The following SH3BP1 variants were observed in gnomAD, a reference collection of about 807,000 sequenced individuals.
The protein encoded by SH3BP1 is SH3 domain-binding protein 1.
In SH3BP1, 46 loss-of-function variants were observed where a neutral mutation model predicts 69.8. That is an observed-to-expected ratio of 0.66 (90% CI 0.52 to 0.84). The LOEUF is 0.84. SH3BP1 is among the 40% of genes least tolerant of loss of function. The pLI is 0.00. For synonymous variants in SH3BP1, 403 were observed against 378.0 expected (o/e 1.07, Z -0.77); for missense variants, 868 against 930.9 (o/e 0.93, Z 0.88).
At chr22:37,644,824 C>T (rs1932753644) in intron 8 of SH3BP1, 46 bp from the exon 9 acceptor site, 2 of 1,608,802 alleles carry the variant, frequency 1.2e-6, no homozygotes, top group South Asian at 1.1e-5. Flanking sequence ...CTATAGAAGG[C>T]TCAGCTTCCC....
intron 1 of SH3BP1, 94 bp downstream of exon 1, chr22:37,639,940 G>A: frequency 1.1e-6 from 1 of 899,008 alleles, no homozygotes; most frequent in Non-Finnish European, 1.6e-6. Context: ...GGAGGCTGGG[G>A]ACAGCTGGGC....
intron 6 of SH3BP1, 150 bp from the exon 7 acceptor site, chr22:37,643,494 G>C: frequency 8.8e-7 from 1 of 1,142,406 alleles, no homozygotes; most frequent in Non-Finnish European, 1.2e-6. Context: ...AGCACTCATG[G>C]CCCAGCCTGG....
intron 1 of SH3BP1, 25 bp from the exon 2 acceptor site, chr22:37,641,101 C>T: frequency 6.0e-6 from 6 of 1,004,282 alleles, no homozygotes; most frequent in South Asian, 1.8e-5. Flanking sequence ...AGCACTCTCC[C>T]CCCCCCCCCC....
intron 8 of SH3BP1, 61 bp downstream of exon 8, chr22:37,644,766 G>A (rs567381410): frequency 4.4e-6 from 7 of 1,605,426 alleles, no homozygotes; most frequent in South Asian, 2.2e-5. Flanking sequence ...AGAGCCAGGG[G>A]CCACTGGGGC....
intron 13 of SH3BP1, among the ~76,000 whole-genome samples, chr22:37,647,827 C>T (rs1234716325): frequency 1.3e-5 from 2 of 152,112 alleles, no homozygotes; most frequent in Admixed American, 6.5e-5. Context: ...AGGCGCCTGC[C>T]ATCACACTCG....
At chr22:37,647,192 CG>C in intron 11 of SH3BP1, 74 bp from the exon 12 acceptor site, 1 of 1,312,660 alleles carries the variant, frequency 7.6e-7, no homozygotes, top group South Asian at 1.2e-5. Flanking sequence ...GAACAAGGGC[CG>C]GAGGTTCCTT....
At position 37,647,486 on chromosome 22, in the gene SH3BP1, C is replaced by T; in HGVS notation, c.1164C>T (p.Cys388=). The T allele has an allele frequency of 6.2e-7, 1 of 1,607,670 alleles. No homozygotes were observed. The highest frequency in any genetic ancestry group is 1.1e-5 in the South Asian group (1 of 90,956). ...GARLQALQEV[C]SRLPPENLSN... is the part of the protein sequence containing the mutation. ...GGCTGCAGGCCCTCCAAGAGGTGTG[C>T]AGCCGCCTACCCCCCGAGAACCTCA... is the stretch of plus-strand genomic sequence containing the variant. Residue 388 remains cysteine (C), a synonymous_variant, in exon 13 of 18, where the codon TGC becomes TGT. Coordinates refer to ENST00000649765, the MANE Select transcript of SH3BP1 (RefSeq NM_018957.6).
intron 7 of SH3BP1, 78 bp from the exon 8 acceptor site, chr22:37,644,559 C>A: frequency 7.0e-7 from 1 of 1,432,442 alleles, no homozygotes; most frequent in Non-Finnish European, 9.8e-7. Context: ...GGGAGGTCAC[C>A]AACCCTTCCA....
chr22:37,650,752 C>A, intron 16 of SH3BP1, 27 bp downstream of exon 16: 1 of 1,560,616 alleles, frequency 6.4e-7, no homozygotes, highest in South Asian at 1.2e-5. Context: ...TTGAATGGCT[C>A]CTGTGGTACT....
At chr22:37,650,846 A>G in intron 16 of SH3BP1, 121 bp downstream of exon 16, 1 of 1,306,444 alleles carries the variant, frequency 7.7e-7, no homozygotes. Context: ...TTTTCATCCC[A>G]AAGACCGGAT....
intron 16 of SH3BP1, 97 bp downstream of exon 16, chr22:37,650,822 T>C (rs1932865790): frequency 7.0e-7 from 1 of 1,438,764 alleles, no homozygotes; most frequent in South Asian, 1.4e-5. Context: ...TTTTTGGAAA[T>C]GTAATTATTA....
chr22:37,652,851 A>C (rs897037445), intron 16 of SH3BP1, among the ~76,000 whole-genome samples: 3 of 147,750 alleles, frequency 2.0e-5, no homozygotes, highest in Admixed American at 6.8e-5. Flanking sequence ...AAGAAAAAGA[A>C]ATGGCCGGGT....
chr22:37,642,332 G>C (rs927054447), intron 3 of SH3BP1: 4 of 572,884 alleles, frequency 7.0e-6, no homozygotes, highest in Non-Finnish European at 1.3e-5. Flanking sequence ...TCTGGGAAGA[G>C]GAAAGGGCAC....
chr22:37,650,535 T>A lies in SH3BP1; in HGVS notation c.1415-7T>A. 6.2e-7 allele frequency: 1 copy of A among 1,605,446 alleles called. No homozygotes were observed. The highest frequency in any genetic ancestry group is 8.5e-7 in the Non-Finnish European group (1 of 1,174,440). ...CTGAGAGCCGTCTCCGCTCCTTCTGTCTCCAGACATCAACTTCAACGTGTC... is the reference window on the plus strand; with the variant it reads ...CTGAGAGCCGTCTCCGCTCCTTCTGACTCCAGACATCAACTTCAACGTGTC... On this transcript the variant is annotated splice_region_variant and splice_polypyrimidine_tract_variant and intron_variant, in intron 15 of 17. Coordinates refer to ENST00000649765, the MANE Select transcript of SH3BP1 (RefSeq NM_018957.6).
chr22:37,646,854 A>T lies in SH3BP1; in HGVS notation c.961A>T (p.Lys321Ter). 1 of 1,562,016 alleles carries T rather than the reference A, an allele frequency of 6.4e-7. No individual in the cohort carries two copies. Reference protein sequence around the residue: ...FRLAAGASVLKRLKQTMASDP... With the variant: ...FRLAAGASVL ...TCTGGCTGCTGGGGCCTCGGTGCTG[A>T]AGCGTCTCAAGCAGACAATGGCCTC... The change falls in exon 11 of 18, where the codon AAG becomes TAG. Residue 321 changes from lysine to a stop codon, truncating the protein, a stop_gained. Transcript: ENST00000649765. LOFTEE classifies it high-confidence loss of function.
intron 16 of SH3BP1, among the ~76,000 whole-genome samples, chr22:37,651,066 C>G: frequency 6.6e-6 from 1 of 152,070 alleles, no homozygotes; most frequent in East Asian, 1.9e-4. Context: ...CAGAGTCTCA[C>G]TCTGTCGCCC....
rs916640510 is a variant in SH3BP1, at chr22:37,655,768, G to A, written c.*84G>A. 2 of 1,444,602 alleles carry A rather than the reference G, an allele frequency of 1.4e-6. No homozygotes were observed. The highest frequency in any genetic ancestry group is 2.9e-5 in the African/African-American group (2 of 69,752). The allele number at this position is 1,444,602 out of a possible 1,614,324, so 89.5% of individuals were successfully genotyped here. On this transcript the variant is annotated 3_prime_UTR_variant, in exon 18 of 18. Coordinates refer to ENST00000649765, the MANE Select transcript of SH3BP1 (RefSeq NM_018957.6). ...CAGGACAGCTCTCGCCCCCCACAAAGGGGCATGGGCCTCCAGCCTTTGCCC... is the reference window on the plus strand; with the variant it reads ...CAGGACAGCTCTCGCCCCCCACAAAAGGGCATGGGCCTCCAGCCTTTGCCC...
intron 1 of SH3BP1, 166 bp from the exon 2 acceptor site, chr22:37,640,960 G>A (rs142352121): frequency 1.1e-5 from 7 of 631,236 alleles, no homozygotes; most frequent in East Asian, 5.5e-5. Flanking sequence ...AATGTGCTCC[G>A]ACTGGGATGA....
At chr22:37,645,217 A>T in intron 9 of SH3BP1, 148 bp from the exon 10 acceptor site, 3 of 1,139,756 alleles carry the variant, frequency 2.6e-6, no homozygotes, top group Middle Eastern at 5.6e-4. Flanking sequence ...AGGCGGGCTG[A>T]TTCGAGAGAT....
Sources: allele counts gnomAD v4.1 joint callset (sites outside exome capture counted in the v4.1 genomes callset), GRCh38; gene constraint gnomAD v4.1.1; transcripts MANE v1.5; gene names NCBI Gene and HGNC (gene_info 2026-07-23, HGNC 2026-07-21).